The following SLC4A9 variants were observed in gnomAD, a reference collection of about 807,000 sequenced individuals.
SLC4A9 encodes the protein anion exchange protein 4.
Under a neutral mutation model 103.2 loss-of-function variants are expected in SLC4A9, and 102 were observed. The ratio of observed to expected loss-of-function variants is 0.99; its 90% CI spans 0.84 to 1.17. SLC4A9 has a LOEUF of 1.17. Among genes scored for constraint, SLC4A9 ranks in the 50% most tolerant of loss-of-function variants. SLC4A9 has a pLI of 0.00. For synonymous variants in SLC4A9, 453 were observed against 483.6 expected (o/e 0.94, Z 0.83); for missense variants, 1,091 against 1,193.7 (o/e 0.91, Z 1.27).
At position 140,367,576 on chromosome 5, in the gene SLC4A9, C is replaced by T. The variant is rs1768076274; in HGVS notation, c.2170C>T (p.Leu724=). 6.2e-7 allele frequency: 1 copy of T among 1,602,948 alleles called. No homozygotes were observed. The highest frequency in any genetic ancestry group is 8.5e-7 in the Non-Finnish European group (1 of 1,174,864). The change falls in exon 15 of 22, where the codon CTG becomes TTG. Residue 724 remains leucine, a synonymous_variant. Coordinates refer to ENST00000506757, the MANE Select transcript of SLC4A9 (RefSeq NM_031467.3). The part of the protein sequence containing the change: ...AVILNRMEYR[L]QKGAGFHLDL... Reference sequence around the variant, plus strand: ...CATCCTCAACCGCATGGAATACAGACTGCAGGTAAGGCCTGCTGGGTAAGG... The same window carrying T: ...CATCCTCAACCGCATGGAATACAGATTGCAGGTAAGGCCTGCTGGGTAAGG...
At chr5:140,372,183 A>G in intron 19 of SLC4A9, 59 bp from the exon 20 acceptor site, 2 of 1,418,274 alleles carry the variant, frequency 1.4e-6, no homozygotes, top group South Asian at 1.5e-5. Flanking sequence ...AAGTGTTACT[A>G]TTGTTAATGT....
intron 2 of SLC4A9, 114 bp downstream of exon 2, chr5:140,361,086 C>A: frequency 8.0e-7 from 1 of 1,243,626 alleles, no homozygotes; most frequent in South Asian, 1.5e-5. Flanking sequence ...CTAGGATTGT[C>A]TACCCTTGTC....
At chr5:140,365,717 C>A in intron 12 of SLC4A9, 117 bp from the exon 13 acceptor site, 1 of 1,421,494 alleles carries the variant, frequency 7.0e-7, no homozygotes, top group Non-Finnish European at 9.7e-7. Flanking sequence ...CAGCTGGGAA[C>A]TTCCCATCCT....
At chr5:140,365,487 G>A (rs1472323229) in intron 11 of SLC4A9, 33 bp from the exon 12 acceptor site, 2 of 1,589,646 alleles carry the variant, frequency 1.3e-6, no homozygotes, top group Non-Finnish European at 1.7e-6. Context: ...CCAGGGGAGG[G>A]AACATACATC....
intron 11 of SLC4A9, 25 bp downstream of exon 11, chr5:140,364,650 G>A (rs757463034): frequency 6.3e-7 from 1 of 1,591,348 alleles, no homozygotes; most frequent in South Asian, 1.1e-5. Flanking sequence ...CAGGGACCTT[G>A]GTCAGGTGAA....
At position 140,362,894 on chromosome 5, in the gene SLC4A9, C is replaced by T; in HGVS notation, c.808-18C>T. 6.2e-7 allele frequency: 1 copy of T among 1,614,018 alleles called. No homozygotes were observed. ...ACCAGGTTTGCACTTACCACCCATTCTGTGCCCCCATTCCCAGCAATTCCA... is the reference window on the plus strand; with the variant it reads ...ACCAGGTTTGCACTTACCACCCATTTTGTGCCCCCATTCCCAGCAATTCCA... On this transcript the variant is annotated intron_variant, in intron 6 of 21. Coordinates refer to ENST00000506757, the MANE Select transcript of SLC4A9 (RefSeq NM_031467.3).
chr5:140,371,116 T>TA lies in SLC4A9; in HGVS notation c.2450dup (p.Tyr817Ter). ...VLKFIPMPVLYGIFLYMGVAA... is the reference protein window; with the variant it reads ...VLKFIPMPVL ...CCAGTTCATTCCAATGCCTGTGCTC[T>TA]ATGGCATCTTCCTGTATATGGGGGT... Residue 817 changes from tyrosine (Y) to a stop codon, truncating the protein, a stop_gained and frameshift_variant, in exon 18 of 22, where the codon TAT (tyrosine) becomes TAAT (stop). Coordinates refer to ENST00000506757, the MANE Select transcript of SLC4A9 (RefSeq NM_031467.3). LOFTEE classifies it high-confidence loss of function. 1 of 1,612,328 alleles carries TA rather than the reference T, an allele frequency of 6.2e-7. No homozygotes were observed. The highest frequency in any genetic ancestry group is 8.5e-7 in the Non-Finnish European group (1 of 1,179,198).
Position 140,363,404 on chromosome 5 carries a change from A to C in SLC4A9, c.963-35A>C. The stretch of plus-strand genomic sequence containing the variant: ...GGACCGAGTCGCAGACTGGTTGGAG[A>C]TCCTCAGCCAACCTGGGGTTCCCCT... On this transcript the variant is annotated intron_variant, in intron 7 of 21. Coordinates refer to ENST00000506757, the MANE Select transcript of SLC4A9 (RefSeq NM_031467.3). This position sits in a 1 kb window ranked among gnomAD's most constrained non-coding sequence, Gnocchi z 4.5. 6.5e-7 allele frequency: 1 copy of C among 1,527,746 alleles called. No homozygotes were observed. Among genetic ancestry groups the C allele is most frequent in the Non-Finnish European group, 8.9e-7 (1 of 1,126,254 alleles). The allele number at this position is 1,527,746 out of a possible 1,614,324, so 94.6% of individuals were successfully genotyped here.
rs1329459760 is a variant in SLC4A9, at chr5:140,366,042, C to T, written c.1899+20C>T. ...TCTGTGGTGAGTTTCACCTTTCTTT[C>T]TGTGGGAGAGGCCTGACTCTAAGCT... is the stretch of plus-strand genomic sequence containing the variant. On this transcript the variant is annotated intron_variant, in intron 13 of 21. Coordinates refer to ENST00000506757, the MANE Select transcript of SLC4A9 (RefSeq NM_031467.3). 2.5e-6 allele frequency: 4 copies of T among 1,613,406 alleles called. No individual in the cohort carries two copies. Among genetic ancestry groups the T allele is most frequent in the Non-Finnish European group, 3.4e-6 (4 of 1,179,542 alleles).
At chr5:140,361,705 C>T in intron 3 of SLC4A9, 103 bp from the exon 4 acceptor site, 1 of 1,285,758 alleles carries the variant, frequency 7.8e-7, no homozygotes, top group Non-Finnish European at 1.1e-6. Context: ...GAAGGGTATA[C>T]TCTAATTCTT....
At chr5:140,364,806 G>A (rs1016772221) in intron 11 of SLC4A9, among the ~76,000 whole-genome samples, 181 bp downstream of exon 11, 4 of 152,222 alleles carry the variant, frequency 2.6e-5, no homozygotes, top group South Asian at 2.1e-4. Context: ...CAGAAGGCCT[G>A]ATATCATCTT....
At chr5:140,360,680 G>A in intron 1 of SLC4A9, 132 bp from the exon 2 acceptor site, 1 of 1,434,838 alleles carries the variant, frequency 7.0e-7, no homozygotes, top group East Asian at 2.5e-5. Context: ...GACTGCCAGG[G>A]TGGGGGGGAG....
chr5:140,374,494 G>A (rs1769206193), intron 21 of SLC4A9, among the ~76,000 whole-genome samples: 2 of 142,752 alleles, frequency 1.4e-5, no homozygotes, highest in African/African-American at 2.6e-5. Context: ...AGGTTGCAGT[G>A]AGCCGAGATT....
chr5:140,364,339 C>G (rs748380608), intron 10 of SLC4A9, 24 bp from the exon 11 acceptor site: 6 of 1,611,128 alleles, frequency 3.7e-6, no homozygotes, highest in Non-Finnish European at 3.4e-6. Flanking sequence ...GCTAAGCCAG[C>G]CTTCCTGTCT....
Position 140,363,418 on chromosome 5 carries a change from T to C in SLC4A9, c.963-21T>C, listed in dbSNP as rs778555992. On this transcript the variant is annotated intron_variant, in intron 7 of 21. Transcript: ENST00000506757. This position sits in a 1 kb window ranked among gnomAD's most constrained non-coding sequence, Gnocchi z 4.5. ...ACTGGTTGGAGATCCTCAGCCAACC[T>C]GGGGTTCCCCTCCTCCTCAGGCTTC... The C allele has an allele frequency of 2.5e-5, 38 of 1,548,658 alleles. No homozygotes were observed. The highest frequency in any genetic ancestry group is 3.1e-5 in the Non-Finnish European group (35 of 1,144,958).
intron 17 of SLC4A9, among the ~76,000 whole-genome samples, chr5:140,369,095 G>A (rs1337691640): frequency 1.3e-5 from 2 of 152,116 alleles, no homozygotes; most frequent in Admixed American, 6.5e-5. Flanking sequence ...GGCTGAGGTG[G>A]GAGGATCACT....
At chr5:140,368,563 G>GCTAA (rs1159747130) in intron 16 of SLC4A9, 24 bp from the exon 17 acceptor site, 8 of 1,608,646 alleles carry the variant, frequency 5.0e-6, no homozygotes, top group Non-Finnish European at 6.8e-6. Flanking sequence ...CCAGACCTCA[G>GCTAA]CTAACTCCTC....
At chr5:140,361,444 C>A (rs1424634280) in intron 3 of SLC4A9, 77 bp downstream of exon 3, 3 of 1,197,130 alleles carry the variant, frequency 2.5e-6, no homozygotes, top group African/African-American at 1.5e-5. Flanking sequence ...CCTTCCAGGG[C>A]TAGAAGTAGC....
In SLC4A9 at chr5:140,360,846, G is replaced by T. The variant is rs1432216472; in HGVS notation, c.265G>T (p.Ala89Ser). 2 of 1,613,220 alleles carry T rather than the reference G, an allele frequency of 1.2e-6. No homozygotes were observed. Among genetic ancestry groups the T allele is most frequent in the Non-Finnish European group, 1.7e-6 (2 of 1,179,794 alleles). ...GTTTGAGGAGAAGTTGGAGGTGGCT[G>T]CAGGCCGGTGGAGTGCCCCCCACGT... ...VLFEEKLEVA[A>S]GRWSAPHVPT... Residue 89 changes from alanine (A) to serine (S), a missense_variant, in exon 2 of 22, where the codon GCA (alanine) becomes TCA (serine). Transcript: ENST00000506757.
Sources: allele counts gnomAD v4.1 joint callset (sites outside exome capture counted in the v4.1 genomes callset), GRCh38; gene constraint gnomAD v4.1.1; non-coding constraint Gnocchi (gnomAD v3.1); transcripts MANE v1.5; gene names NCBI Gene and HGNC (gene_info 2026-07-23, HGNC 2026-07-21).